The following CNTNAP5 variants were observed in gnomAD, a reference collection of about 807,000 sequenced individuals.
CNTNAP5 encodes contactin associated protein family member 5.
In CNTNAP5, 72 loss-of-function variants were observed where a neutral mutation model predicts 150.2. The ratio of observed to expected loss-of-function variants is 0.48; its 90% CI spans 0.40 to 0.58. The LOEUF is 0.58. Among genes scored for constraint, CNTNAP5 ranks in the 20% least tolerant of loss-of-function variants. The pLI is 0.00. For missense variants in CNTNAP5, 1,636 were observed against 1,626.2 expected, an observed-to-expected ratio of 1.01 and a Z score of -0.10; for synonymous variants, 672 against 619.8, an observed-to-expected ratio of 1.08 and a Z score of -1.25.
intron 21 of CNTNAP5, among the ~76,000 whole-genome samples, chr2:124,894,988 T>G (rs1052822459): frequency 2.0e-5 from 3 of 151,522 alleles, no homozygotes; most frequent in African/African-American, 7.3e-5. Flanking sequence ...CTCACTGTCT[T>G]ACATCCATCC....
intron 1 of CNTNAP5, among the ~76,000 whole-genome samples, chr2:124,181,951 G>T (rs1285548221): frequency 1.3e-5 from 2 of 152,092 alleles, no homozygotes; most frequent in Non-Finnish European, 2.9e-5. Flanking sequence ...TCTAAGATAT[G>T]TTGAGATTCA....
At chr2:124,647,100 C>G (rs1013348149) in intron 12 of CNTNAP5, among the ~76,000 whole-genome samples, 31 of 152,246 alleles carry the variant, frequency 2.0e-4, no homozygotes, top group Admixed American at 2.0e-3. Flanking sequence ...CACTGCCTTA[C>G]CTTCTTTCGC....
At chr2:124,184,731 C>A (rs1383162549) in intron 1 of CNTNAP5, among the ~76,000 whole-genome samples, 4 of 151,962 alleles carry the variant, frequency 2.6e-5, no homozygotes, top group Admixed American at 2.0e-4. Context: ...TGGCTGAGAC[C>A]CAGAGAGGCA....
At chr2:124,621,819 T>G (rs1677620181) in intron 12 of CNTNAP5, among the ~76,000 whole-genome samples, 1 of 152,162 alleles carries the variant, frequency 6.6e-6, no homozygotes, top group Non-Finnish European at 1.5e-5. Flanking sequence ...CTTCTTAGGA[T>G]GTTGTTAATT....
chr2:124,384,744 A>G (rs1410992433), intron 3 of CNTNAP5, among the ~76,000 whole-genome samples: 1 of 152,186 alleles, frequency 6.6e-6, no homozygotes, highest in African/African-American at 2.4e-5. Context: ...TAAACTGTGG[A>G]TTTCTTGTCC....
intron 1 of CNTNAP5, among the ~76,000 whole-genome samples, chr2:124,062,536 C>T (rs1458559828): frequency 3.3e-5 from 5 of 152,170 alleles, no homozygotes; most frequent in Non-Finnish European, 5.9e-5. Flanking sequence ...ACCATTACCT[C>T]ACTGAAAGCT....
intron 7 of CNTNAP5, among the ~76,000 whole-genome samples, chr2:124,491,949 GT>G (rs1694039579): frequency 6.6e-6 from 1 of 151,732 alleles, no homozygotes; most frequent in Non-Finnish European, 1.5e-5. Flanking sequence ...TATTATTTGG[GT>G]TTTTTGTTTG....
chr2:124,124,262 C>T (rs894450609), intron 1 of CNTNAP5, among the ~76,000 whole-genome samples: 1 of 151,930 alleles, frequency 6.6e-6, no homozygotes, highest in Non-Finnish European at 1.5e-5. Context: ...CTATGTGACG[C>T]ATGTGCAAGC....
At chr2:124,230,216 G>T (rs969990059) in intron 2 of CNTNAP5, among the ~76,000 whole-genome samples, 3 of 152,056 alleles carry the variant, frequency 2.0e-5, no homozygotes, top group Non-Finnish European at 4.4e-5. Flanking sequence ...GGACCCTAAA[G>T]GTGTTCTGAA....
At position 124,798,247 on chromosome 2, in the gene CNTNAP5, C is replaced by G. The variant is rs369865347; in HGVS notation, c.3144C>G (p.Thr1048=). The stretch of plus-strand genomic sequence containing the variant: ...ACATTGCACTTAGCTTTGTGACAAC[C>G]CAGGCACCCAGTCTTTTGCTCTTTA... The part of the protein sequence containing the change: ...KENIALSFVT[T]QAPSLLLFIN... The change falls in exon 19 of 24, where the codon ACC becomes ACG. Residue 1048 remains threonine, a synonymous_variant. Transcript: ENST00000682447. The G allele has an allele frequency of 6.2e-7, 1 of 1,613,912 alleles. No individual in the cohort carries two copies. Among genetic ancestry groups the G allele is most frequent in the Non-Finnish European group, 8.5e-7 (1 of 1,179,824 alleles).
In CNTNAP5 at chr2:124,025,296, TCTCGCG is replaced by T; in HGVS notation, c.-353_-348del. On this transcript the variant is annotated 5_prime_UTR_variant, in exon 1 of 24. Transcript: ENST00000682447. ...CCGCCACCCGGGTGCTGATTCCAGC[TCTCGCG>T]CCCGACGAGGTGGATTTGGCTGTCC... 1 of 270,024 alleles carries T rather than the reference TCTCGCG, an allele frequency of 3.7e-6. No individual in the cohort carries two copies. Among genetic ancestry groups the T allele is most frequent in the South Asian group, 4.7e-5 (1 of 21,420 alleles). 16.7% of individuals were successfully genotyped at this position (270,024 alleles called of 1,614,324 possible). A position where few individuals can be genotyped will look rare whatever the true frequency, so the allele number is the denominator to read the frequency against.
intron 3 of CNTNAP5, among the ~76,000 whole-genome samples, chr2:124,310,012 T>C (rs1688784975): frequency 6.6e-6 from 1 of 152,000 alleles, no homozygotes; most frequent in African/African-American, 2.4e-5. Flanking sequence ...ACACAGTCTG[T>C]CTGCTCTGGG....
intron 10 of CNTNAP5, among the ~76,000 whole-genome samples, chr2:124,534,288 A>G (rs1695180457): frequency 6.6e-6 from 1 of 152,176 alleles, no homozygotes; most frequent in South Asian, 2.1e-4. Flanking sequence ...GAGTGACTCC[A>G]TGGAGTAAAG....
Position 124,081,629 on chromosome 2 carries a change from A to G in CNTNAP5, c.82+55897A>G, listed in dbSNP as rs1682559666. Among the ~76,000 whole-genome samples, 6 of 152,268 alleles carry G rather than the reference A, an allele frequency of 3.9e-5. No individual in the cohort carries two copies. In the South Asian group the frequency reaches 1.2e-3, roughly 32 times the overall value. On this transcript the variant is annotated intron_variant, in intron 1 of 23. Transcript: ENST00000682447. ...GAATTTCTTATGGCTCTTGAGCATT[A>G]TCTTTGTGTTTCTTTGATAGGGGAT...
intron 21 of CNTNAP5, among the ~76,000 whole-genome samples, chr2:124,896,377 G>C (rs1678304871): frequency 6.6e-6 from 1 of 151,250 alleles, no homozygotes; most frequent in Non-Finnish European, 1.5e-5. Flanking sequence ...ACTAATATTG[G>C]CTTGACACTT....
intron 1 of CNTNAP5, among the ~76,000 whole-genome samples, chr2:124,171,711 C>T (rs11123025): frequency 0.77 from 117,725 of 152,164 alleles, 46,179 homozygotes; most frequent in Non-Finnish European, 0.8. Flanking sequence ...TCAGTAAAGG[C>T]CAAGCTTTTT....
At chr2:124,504,148 G>A (rs1694343225) in intron 7 of CNTNAP5, 144 bp from the exon 8 acceptor site, 2 of 801,800 alleles carry the variant, frequency 2.5e-6, no homozygotes, top group Non-Finnish European at 3.9e-6. Context: ...GAGCAAAGCC[G>A]ACATTTTTTT....
At chr2:124,298,196 T>G (rs1338220710) in intron 3 of CNTNAP5, among the ~76,000 whole-genome samples, 1 of 152,180 alleles carries the variant, frequency 6.6e-6, no homozygotes, top group Non-Finnish European at 1.5e-5. Context: ...ATGTAAATGC[T>G]TGTTTGTTAC....
intron 1 of CNTNAP5, among the ~76,000 whole-genome samples, chr2:124,088,462 A>G (rs913217496): frequency 1.3e-5 from 2 of 152,014 alleles, no homozygotes; most frequent in African/African-American, 4.8e-5. Flanking sequence ...TGTTTTTGTC[A>G]TACTATTTAA....
Sources: allele counts gnomAD v4.1 joint callset (sites outside exome capture counted in the v4.1 genomes callset), GRCh38; gene constraint gnomAD v4.1.1; transcripts MANE v1.5; gene names NCBI Gene and HGNC (gene_info 2026-07-23, HGNC 2026-07-21).